MAPRE2: variants seen among roughly 807,000 people sequenced by gnomAD.
MAPRE2 encodes the protein microtubule associated protein RP/EB family member 2, also known as microtubule-associated protein RP/EB family member 2.
MAPRE2 carries 13 observed loss-of-function variants against 43.2 expected under a neutral mutation model. The ratio of observed to expected loss-of-function variants is 0.30; its 90% CI spans 0.20 to 0.48. The LOEUF is 0.48. Ranked by LOEUF, MAPRE2 falls within the 20% of genes least tolerant of loss-of-function variation. The probability of loss-of-function intolerance (pLI) is 0.99; values close to 1 mark genes in which losing one functional copy is unlikely to be tolerated. For synonymous variants in MAPRE2, 135 were observed against 148.8 expected (o/e 0.91, Z 0.68); for missense variants, 161 against 400.2 (o/e 0.40, Z 5.10).
rs116509886 is a variant in MAPRE2 at position 35,026,011 on chromosome 18, G to A, written c.-8+20458G>A. On this transcript the variant is annotated intron_variant, in intron 2 of 7. Coordinates refer to the MAPRE2 transcript ENST00000413393. ...AAACTTAGAATTTTTGTCTTGAAAT[G>A]ATAGGGAACCCCTGAAGACTTCTAA... Among the ~76,000 whole-genome samples the A allele has an allele frequency of 6.2e-3, 939 of 152,270 alleles. 11 individuals are homozygous for A. The highest frequency in any genetic ancestry group is 0.021 in the African/African-American group (891 of 41,548).
chr18:34,991,732 C>T (rs1269504742), intron 1 of MAPRE2, among the ~76,000 whole-genome samples: 1 of 152,068 alleles, frequency 6.6e-6, no homozygotes, highest in Non-Finnish European at 1.5e-5. Context: ...TTGCCCAGAC[C>T]TGGGACCTTG....
At chr18:35,044,874 C>T (rs1905543476) in intron 1 of MAPRE2, among the ~76,000 whole-genome samples, 1 of 152,190 alleles carries the variant, frequency 6.6e-6, no homozygotes, top group Non-Finnish European at 1.5e-5. Context: ...AAATTTGGTT[C>T]CTGACCCACA....
chr18:35,063,411 A>G (rs1906658951), intron 1 of MAPRE2, among the ~76,000 whole-genome samples: 1 of 151,958 alleles, frequency 6.6e-6, no homozygotes, highest in Admixed American at 6.6e-5. Context: ...CCGGCCTCAG[A>G]ACATTTTATG....
At position 35,085,722 on chromosome 18, in the gene MAPRE2, C is replaced by T. The variant is rs534171620; in HGVS notation, c.251-11724C>T. Among the ~76,000 whole-genome samples, 286 of 152,272 alleles carry T rather than the reference C, an allele frequency of 1.9e-3. 2 individuals carry two copies. The highest frequency in any genetic ancestry group is 3.2e-4 in the Non-Finnish European group (22 of 68,026). ...ATATCAAGTATCCCTTAAAAGAGAACTTGGTGACAGACTGAGAATTAGAAA... is the reference window on the plus strand; with the variant it reads ...ATATCAAGTATCCCTTAAAAGAGAATTTGGTGACAGACTGAGAATTAGAAA... On this transcript the variant is annotated intron_variant, in intron 2 of 6. Coordinates refer to ENST00000300249, the MANE Select transcript of MAPRE2 (RefSeq NM_014268.4).
chr18:35,128,785 T>A (rs1393636272), intron 5 of MAPRE2, among the ~76,000 whole-genome samples: 2 of 152,122 alleles, frequency 1.3e-5, no homozygotes, highest in African/African-American at 2.4e-5. Flanking sequence ...TCATGACTCC[T>A]CCCTCTCTTC....
chr18:35,017,251 T>TTG (rs2097038983), intron 2 of MAPRE2, among the ~76,000 whole-genome samples: 1 of 149,198 alleles, frequency 6.7e-6, no homozygotes, highest in African/African-American at 2.4e-5. Context: ...GTTGTTTTTT[T>TTG]TTTTTTTTTT....
chr18:35,101,765 C>T (rs1908692596), intron 3 of MAPRE2, among the ~76,000 whole-genome samples, 181 bp from the exon 4 acceptor site: 1 of 152,202 alleles, frequency 6.6e-6, no homozygotes, highest in African/African-American at 2.4e-5. Context: ...ATATGTACCA[C>T]ATTTTCTTTA....
At chr18:35,048,277 G>A (rs546310770) in intron 1 of MAPRE2, among the ~76,000 whole-genome samples, 1 of 152,248 alleles carries the variant, frequency 6.6e-6, no homozygotes, top group Non-Finnish European at 1.5e-5. Flanking sequence ...ATCGAGCTAT[G>A]AGGGACCCGA....
chr18:35,006,954 C>T (rs1228457704), intron 2 of MAPRE2, among the ~76,000 whole-genome samples: 1 of 152,214 alleles, frequency 6.6e-6, no homozygotes, highest in African/African-American at 2.4e-5. Context: ...CAGAGCAAGA[C>T]TCCATCTAAA....
intron 2 of MAPRE2, among the ~76,000 whole-genome samples, chr18:35,079,753 A>G (rs1322786940): frequency 6.6e-6 from 1 of 152,230 alleles, no homozygotes; most frequent in Non-Finnish European, 1.5e-5. Context: ...CAGTATAGTG[A>G]AACAATTTTG....
At chr18:34,978,425 T>C in intron 1 of MAPRE2, 2 of 1,137,856 alleles carry the variant, frequency 1.8e-6, no homozygotes, top group Non-Finnish European at 2.6e-6. Flanking sequence ...TGGGGTGAAG[T>C]GTGCAGACCG....
chr18:35,079,953 G>A (rs1907553514), intron 2 of MAPRE2, among the ~76,000 whole-genome samples: 1 of 152,238 alleles, frequency 6.6e-6, no homozygotes, highest in African/African-American at 2.4e-5. Flanking sequence ...TAAAATTCAA[G>A]GCAGCGAAAG....
At chr18:35,121,222 A>G (rs943252407) in intron 4 of MAPRE2, among the ~76,000 whole-genome samples, 2 of 152,222 alleles carry the variant, frequency 1.3e-5, no homozygotes, top group African/African-American at 4.8e-5. Flanking sequence ...AGCGTTTTCC[A>G]TAAACATTAA....
intron 4 of MAPRE2, among the ~76,000 whole-genome samples, chr18:35,111,211 A>G (rs1032941861): frequency 2.6e-5 from 4 of 151,972 alleles, no homozygotes; most frequent in African/African-American, 4.8e-5. Context: ...TTCCTCTGTC[A>G]TCTTCATTCT....
intron 1 of MAPRE2, among the ~76,000 whole-genome samples, chr18:35,004,481 C>G (rs1239833814): frequency 6.6e-6 from 1 of 152,188 alleles, no homozygotes; most frequent in Non-Finnish European, 1.5e-5. Flanking sequence ...AACCGTTCAT[C>G]CCCCAAACAC....
chr18:34,993,640 G>T (rs1352902387), intron 1 of MAPRE2, among the ~76,000 whole-genome samples: 1 of 152,154 alleles, frequency 6.6e-6, no homozygotes. Flanking sequence ...GCACCTAAAA[G>T]TTAATGCCAA....
At chr18:35,114,047 T>G (rs1344051891) in intron 4 of MAPRE2, among the ~76,000 whole-genome samples, 3 of 152,214 alleles carry the variant, frequency 2.0e-5, no homozygotes, top group Non-Finnish European at 4.4e-5. Flanking sequence ...TTGAGGAAAC[T>G]GAGGCACGGA....
At chr18:35,119,774 G>A (rs569673535) in intron 4 of MAPRE2, among the ~76,000 whole-genome samples, 1 of 152,286 alleles carries the variant, frequency 6.6e-6, no homozygotes, top group South Asian at 2.1e-4. Context: ...GTTGTTCACT[G>A]TGTAAAAACT....
chr18:34,997,624 T>C (rs920520131), intron 1 of MAPRE2, among the ~76,000 whole-genome samples: 3 of 152,176 alleles, frequency 2.0e-5, no homozygotes, highest in Non-Finnish European at 4.4e-5. Context: ...GAGACTAGCC[T>C]GGCCAACATG....
Sources: allele counts gnomAD v4.1 joint callset (sites outside exome capture counted in the v4.1 genomes callset), GRCh38; gene constraint gnomAD v4.1.1; transcripts MANE v1.5; gene names NCBI Gene and HGNC (gene_info 2026-07-23, HGNC 2026-07-21).